Variants in KCNH1 observed in about 807,000 individuals in gnomAD.
KCNH1 encodes the protein voltage-gated delayed rectifier potassium channel KCNH1.
KCNH1 carries 27 observed loss-of-function variants against 69.2 expected under a neutral mutation model. The ratio of observed to expected loss-of-function variants is 0.39; its 90% CI spans 0.29 to 0.54. The LOEUF is 0.54. Among genes scored for constraint, KCNH1 ranks in the 20% least tolerant of loss-of-function variants. KCNH1 has a pLI of 0.68. For synonymous variants in KCNH1, 456 were observed against 487.7 expected (o/e 0.93, Z 0.86); for missense variants, 798 against 1,261.6 (o/e 0.63, Z 5.57).
chr1:210,726,208 C>T (rs1291536200), intron 10 of KCNH1, among the ~76,000 whole-genome samples: 1 of 152,088 alleles, frequency 6.6e-6, no homozygotes, highest in African/African-American at 2.4e-5. Context: ...GGTATCAGCT[C>T]CTGACAAGCC....
chr1:211,019,826 T>G (rs193260665), intron 5 of KCNH1, among the ~76,000 whole-genome samples: 2 of 152,272 alleles, frequency 1.3e-5, no homozygotes, highest in African/African-American at 4.8e-5. Context: ...ACAGTGGAAG[T>G]ACACTAGAAA....
At chr1:210,782,739 A>G (rs1574252992) in intron 9 of KCNH1, among the ~76,000 whole-genome samples, 1 of 152,236 alleles carries the variant, frequency 6.6e-6, no homozygotes, top group South Asian at 2.1e-4. Context: ...AAAAAAAAGA[A>G]AGAAAGAAAA....
intron 10 of KCNH1, among the ~76,000 whole-genome samples, chr1:210,723,806 G>A (rs1029919391): frequency 5.9e-5 from 9 of 152,178 alleles, no homozygotes; most frequent in African/African-American, 1.4e-4. Flanking sequence ...AAAGGGACAC[G>A]TGTGAGTTGA....
At position 210,864,449 on chromosome 1, in the gene KCNH1, G is replaced by A. The variant is rs116591576; in HGVS notation, c.1462+55191C>T. ...AACTCAGCAAAACAAGTGGGGAAGC[G>A]AGAAAACAAAGGAGGAGGAAGATAG... On this transcript the variant is annotated intron_variant, in intron 7 of 10. Transcript: ENST00000271751. Among the ~76,000 whole-genome samples, 433 of 152,282 alleles carry A rather than the reference G, an allele frequency of 2.8e-3. 3 individuals are homozygous for A. The highest frequency in any genetic ancestry group is 9.8e-3 in the African/African-American group (407 of 41,554).
chr1:210,881,867 T>C (rs1380343360), intron 7 of KCNH1, among the ~76,000 whole-genome samples: 2 of 152,180 alleles, frequency 1.3e-5, no homozygotes, highest in African/African-American at 4.8e-5. Context: ...AAATGTTTCC[T>C]GGAGTTAGAA....
intron 10 of KCNH1, among the ~76,000 whole-genome samples, chr1:210,718,647 TATATACAC>T (rs1470980213): frequency 1.4e-5 from 1 of 70,466 alleles, no homozygotes; most frequent in East Asian, 2.7e-4. Flanking sequence ...TATACATATA[TATATACAC>T]ACACACACAC....
At chr1:210,849,834 C>T (rs1202000267) in intron 7 of KCNH1, among the ~76,000 whole-genome samples, 1 of 152,128 alleles carries the variant, frequency 6.6e-6, no homozygotes, top group Non-Finnish European at 1.5e-5. Flanking sequence ...TAAATCCCTT[C>T]CTGCTGTTAC....
chr1:210,728,670 C>A (rs895434309), intron 10 of KCNH1, among the ~76,000 whole-genome samples: 1 of 152,192 alleles, frequency 6.6e-6, no homozygotes, highest in Admixed American at 6.5e-5. Flanking sequence ...CATCCAGGGA[C>A]GCAGCTGCCA....
At chr1:211,082,348 G>T (rs553661561) in intron 5 of KCNH1, among the ~76,000 whole-genome samples, 29 of 152,232 alleles carry the variant, frequency 1.9e-4, no homozygotes, top group Middle Eastern at 3.4e-3. Flanking sequence ...CAAGTTAAAT[G>T]CACACACCAA....
chr1:211,036,335 G>T (rs1318235951), intron 5 of KCNH1, among the ~76,000 whole-genome samples: 1 of 152,132 alleles, frequency 6.6e-6, no homozygotes, highest in African/African-American at 2.4e-5. Flanking sequence ...CTGATGGTTG[G>T]TTTCCTGAGA....
intron 7 of KCNH1, among the ~76,000 whole-genome samples, chr1:210,915,391 C>T (rs543983154): frequency 6.6e-6 from 1 of 152,178 alleles, no homozygotes; most frequent in African/African-American, 2.4e-5. Flanking sequence ...TGGGGGACAT[C>T]CTCTCCTAGA....
At chr1:211,118,622 T>G (rs191983788) in intron 1 of KCNH1, among the ~76,000 whole-genome samples, 46 of 152,310 alleles carry the variant, frequency 3.0e-4, no homozygotes, top group Admixed American at 6.5e-4. Flanking sequence ...CTCTAAAAAT[T>G]TAAAAGACTC....
At chr1:210,713,948 ATAT>A (rs1375326881) in intron 10 of KCNH1, among the ~76,000 whole-genome samples, 7 of 152,178 alleles carry the variant, frequency 4.6e-5, no homozygotes, top group Non-Finnish European at 1.0e-4. Context: ...TAGGGTTCAC[ATAT>A]TATCCTGTCA....
intron 5 of KCNH1, among the ~76,000 whole-genome samples, chr1:211,033,867 A>G (rs1482696834): frequency 6.6e-6 from 1 of 152,198 alleles, no homozygotes; most frequent in African/African-American, 2.4e-5. Flanking sequence ...ATACATATGT[A>G]ACAAACCTGC....
chr1:211,034,275 T>C (rs1279639346), intron 5 of KCNH1, among the ~76,000 whole-genome samples: 5 of 151,968 alleles, frequency 3.3e-5, no homozygotes, highest in Non-Finnish European at 7.4e-5. Context: ...AAACTATTGA[T>C]ACATGCAGCA....
chr1:211,026,376 CAAAAAA>C (rs34132386), intron 5 of KCNH1, among the ~76,000 whole-genome samples: 1 of 72,692 alleles, frequency 1.4e-5, no homozygotes, highest in Non-Finnish European at 3.0e-5. Flanking sequence ...GGAGTATAGA[CAAAAAA>C]AAAAAAAAAA....
intron 5 of KCNH1, among the ~76,000 whole-genome samples, chr1:211,049,949 AACTT>A (rs1266430262): frequency 2.0e-5 from 3 of 152,044 alleles, no homozygotes; most frequent in Non-Finnish European, 4.4e-5. Flanking sequence ...AAACACAGAG[AACTT>A]TCTCTTTGAC....
At chr1:210,861,014 G>T in intron 7 of KCNH1, 1 of 1,055,122 alleles carries the variant, frequency 9.5e-7, no homozygotes, top group Non-Finnish European at 1.5e-6. Flanking sequence ...GTCAGCATTG[G>T]GTTCTGTAAG....
intron 5 of KCNH1, among the ~76,000 whole-genome samples, chr1:211,075,949 G>C (rs186160721): frequency 6.6e-6 from 1 of 152,324 alleles, no homozygotes; most frequent in Admixed American, 6.5e-5. Context: ...TGGCTCAGCC[G>C]ATCCCAAGCC....
Sources: gnomAD v4.1 joint callset for allele counts (sites outside exome capture counted in the v4.1 genomes callset) on GRCh38, gnomAD v4.1.1 for gene constraint, MANE v1.5 for transcripts, NCBI Gene and HGNC (gene_info 2026-07-23, HGNC 2026-07-21) for gene names.